The following TENM3 variants were observed in gnomAD, a reference collection of about 807,000 sequenced individuals.
The protein encoded by TENM3 is teneurin-3.
TENM3 carries 63 observed loss-of-function variants against 255.1 expected under a neutral mutation model. That is an observed-to-expected ratio of 0.25 (90% CI 0.20 to 0.30). The LOEUF is 0.30. TENM3 is among the 10% of genes least tolerant of loss of function. TENM3 has a pLI of 1.00. For synonymous variants in TENM3, 1,306 were observed against 1,322.3 expected, an observed-to-expected ratio of 0.99 and a Z score of 0.27; for missense variants, 2,929 against 3,461.1, an observed-to-expected ratio of 0.85 and a Z score of 3.86.
the TENM3 span, among the ~76,000 whole-genome samples, chr4:181,734,520 TAC>T: frequency 6.6e-6 from 1 of 152,128 alleles, no homozygotes; most frequent in Non-Finnish European, 1.5e-5. Flanking sequence ...TATGCATATA[TAC>T]ACACACATAT....
the TENM3 span, among the ~76,000 whole-genome samples, chr4:181,800,863 A>G: frequency 1.3e-5 from 2 of 152,180 alleles, no homozygotes; most frequent in Non-Finnish European, 2.9e-5. Context: ...TACTCTTACT[A>G]TGAATAAAAT....
chr4:182,622,121 G>T (rs1021332281), intron 4 of TENM3, among the ~76,000 whole-genome samples: 3 of 151,990 alleles, frequency 2.0e-5, no homozygotes, highest in Non-Finnish European at 2.9e-5. Flanking sequence ...AGCACTTTGG[G>T]AGGCCAAGGC....
At chr4:182,461,086 CA>C (rs1432444510) in intron 3 of TENM3, among the ~76,000 whole-genome samples, 2 of 152,146 alleles carry the variant, frequency 1.3e-5, no homozygotes, top group African/African-American at 4.8e-5. Flanking sequence ...CTCTAAAAAC[CA>C]GATTTTTTGG....
At chr4:182,316,634 G>A (rs138516771) in intron 1 of TENM3, among the ~76,000 whole-genome samples, 2 of 152,252 alleles carry the variant, frequency 1.3e-5, no homozygotes, top group African/African-American at 4.8e-5. Context: ...GGTGAGTAGT[G>A]CTGAGGTTGA....
the TENM3 span, chr4:181,819,992 A>G: frequency 3.9e-5 from 6 of 152,224 alleles, no homozygotes; most frequent in African/African-American, 1.4e-4. Flanking sequence ...ATACTAAAAA[A>G]AAAAAAAATC....
intron 24 of TENM3, among the ~76,000 whole-genome samples, chr4:182,777,509 T>TTGTGTGTGTG (rs1172500944): frequency 2.5e-5 from 3 of 120,144 alleles, no homozygotes; most frequent in African/African-American, 9.5e-5. Flanking sequence ...CATAATGTGT[T>TTGTGTGTGTG]TATGTGTGTG....
At chr4:181,771,410 A>T in the TENM3 span, among the ~76,000 whole-genome samples, 1 of 152,232 alleles carries the variant, frequency 6.6e-6, no homozygotes, top group Non-Finnish European at 1.5e-5. Flanking sequence ...CCTCTAGACC[A>T]GTGGCTGCCA....
At chr4:182,001,397 G>A in the TENM3 span, among the ~76,000 whole-genome samples, 1 of 151,978 alleles carries the variant, frequency 6.6e-6, no homozygotes, top group African/African-American at 2.4e-5. Context: ...GCTGAATGTG[G>A]GTGCATTTCT....
chr4:182,346,845 C>G lies in TENM3; in HGVS notation c.427C>G (p.Arg143Gly). ...RLWGRGVKSG[R>G]SSCLSSRSNS... Reference sequence around the variant, plus strand: ...TTGGGGCAGGGGGGTCAAATCAGGCCGCAGCTCCTGCCTGTCAAGTCGGTC... The same window carrying G: ...TTGGGGCAGGGGGGTCAAATCAGGCGGCAGCTCCTGCCTGTCAAGTCGGTC... Residue 143 changes from arginine (R) to glycine (G), a missense_variant, in exon 3 of 28, where the codon CGC becomes GGC. Transcript: ENST00000511685. 1 of 1,613,140 alleles carries G rather than the reference C, an allele frequency of 6.2e-7. No individual in the cohort carries two copies. Among genetic ancestry groups the G allele is most frequent in the African/African-American group, 1.3e-5 (1 of 74,978 alleles).
chr4:182,042,880 CGT>C, the TENM3 span, among the ~76,000 whole-genome samples: 99,838 of 149,206 alleles, frequency 0.67, 34,829 homozygotes, highest in Non-Finnish European at 0.77. Context: ...ATCGTGTGTG[CGT>C]GTGTGTGTGT....
the TENM3 span, among the ~76,000 whole-genome samples, chr4:181,954,272 G>A: frequency 2.6e-5 from 4 of 152,082 alleles, no homozygotes; most frequent in Non-Finnish European, 5.9e-5. Context: ...TGTCTTCATT[G>A]TCTTTGATAA....
the TENM3 span, among the ~76,000 whole-genome samples, chr4:182,123,283 T>C: frequency 7.2e-5 from 11 of 152,228 alleles, no homozygotes; most frequent in African/African-American, 2.7e-4. Context: ...TCGCACTTTA[T>C]ATTTCCTTTA....
the TENM3 span, among the ~76,000 whole-genome samples, chr4:181,571,400 G>A: frequency 1.3e-5 from 2 of 152,028 alleles, no homozygotes; most frequent in East Asian, 1.9e-4. Context: ...GTAGTGATGC[G>A]ATCATAGTTC....
the TENM3 span, among the ~76,000 whole-genome samples, chr4:181,832,832 A>G: frequency 6.6e-6 from 1 of 152,160 alleles, no homozygotes; most frequent in Non-Finnish European, 1.5e-5. Flanking sequence ...TGTGGGGGGC[A>G]GCCCAGTGCC....
At chr4:181,786,454 C>T in the TENM3 span, among the ~76,000 whole-genome samples, 65 of 152,156 alleles carry the variant, frequency 4.3e-4, no homozygotes, top group East Asian at 8.1e-3. Context: ...GGTGGACCCA[C>T]GAGGTGGGAG....
At chr4:182,769,967 G>A (rs1178921442) in intron 22 of TENM3, among the ~76,000 whole-genome samples, 10 of 150,950 alleles carry the variant, frequency 6.6e-5, no homozygotes, top group African/African-American at 7.3e-5. Context: ...TTACCTGGGC[G>A]TGGTGGCGGG....
At chr4:182,379,227 G>A (rs911433978) in intron 3 of TENM3, among the ~76,000 whole-genome samples, 3 of 152,208 alleles carry the variant, frequency 2.0e-5, no homozygotes, top group South Asian at 4.1e-4. Context: ...CGTGGTAGTG[G>A]GCTCCTGTAA....
chr4:182,701,463 G>A (rs1183477456), intron 12 of TENM3, among the ~76,000 whole-genome samples: 1 of 151,718 alleles, frequency 6.6e-6, no homozygotes, highest in African/African-American at 2.4e-5. Flanking sequence ...CTCGTGATCC[G>A]CCCACCTCGG....
the TENM3 span, among the ~76,000 whole-genome samples, chr4:181,643,133 G>A: frequency 0.08 from 12,158 of 151,908 alleles, 652 homozygotes; most frequent in South Asian, 0.14. Context: ...TCTCCTATCC[G>A]TGAGTTTGAA....
Sources: allele counts gnomAD v4.1 joint callset (sites outside exome capture counted in the v4.1 genomes callset), GRCh38; gene constraint gnomAD v4.1.1; transcripts MANE v1.5; gene names NCBI Gene and HGNC (gene_info 2026-07-23, HGNC 2026-07-21).